Variants in ZNF577 observed in about 807,000 individuals in gnomAD.
The protein encoded by ZNF577 is zinc finger protein 577.
A neutral mutation model predicts 13.9 loss-of-function variants in ZNF577; 14 were observed. That is an observed-to-expected ratio of 1.00 (90% CI 0.66 to 1.57). The LOEUF is 1.57. Ranked by LOEUF, ZNF577 falls within the 40% of genes most tolerant of loss-of-function variation. The pLI, the probability that ZNF577 is intolerant of heterozygous loss-of-function variation, is 0.00. For synonymous variants in ZNF577, 203 were observed against 202.9 expected (o/e 1.00, Z 0.00); for missense variants, 555 against 579.2 (o/e 0.96, Z 0.43).
intron 5 of ZNF577, among the ~76,000 whole-genome samples, chr19:51,857,116 T>A (rs7257527): frequency 0.034 from 5,162 of 152,088 alleles, 272 homozygotes; most frequent in African/African-American, 0.12. Flanking sequence ...CTGGCCAACA[T>A]GGTGAAACCC....
chr19:51,860,851 C>T, intron 5 of ZNF577: 1 of 365,682 alleles, frequency 2.7e-6, no homozygotes, highest in Middle Eastern at 4.0e-4. Flanking sequence ...TATGAGATTT[C>T]TCTCGTAAAC....
intron 9 of ZNF577, among the ~76,000 whole-genome samples, chr19:51,818,846 T>C (rs1406549521): frequency 6.6e-6 from 1 of 152,172 alleles, no homozygotes; most frequent in Admixed American, 6.6e-5. Flanking sequence ...GTGGAAGCCA[T>C]AGAAGAGTGC....
chr19:51,886,127 A>T (rs957463789), intron 1 of ZNF577: 1 of 152,178 alleles, frequency 6.6e-6, no homozygotes, highest in African/African-American at 2.4e-5. Context: ...TTTGGAGAGG[A>T]GAGAGAAGAT....
intron 5 of ZNF577, among the ~76,000 whole-genome samples, chr19:51,855,336 TGAGC>T (rs901903224): frequency 8.1e-6 from 1 of 123,594 alleles, no homozygotes; most frequent in Non-Finnish European, 1.6e-5. Flanking sequence ...TTCATTTCTC[TGAGC>T]AAGTTTTCCA....
At chr19:51,836,372 C>T (rs1241166239) in intron 9 of ZNF577, among the ~76,000 whole-genome samples, 2 of 151,992 alleles carry the variant, frequency 1.3e-5, no homozygotes, top group Non-Finnish European at 2.9e-5. Flanking sequence ...AATAAATGTA[C>T]TTATGTTTTA....
At chr19:51,830,261 G>C (rs1305459376) in intron 9 of ZNF577, among the ~76,000 whole-genome samples, 2 of 151,464 alleles carry the variant, frequency 1.3e-5, no homozygotes, top group East Asian at 1.9e-4. Flanking sequence ...TTGTGTTTTT[G>C]CCATCAGCAT....
intron 5 of ZNF577, among the ~76,000 whole-genome samples, chr19:51,859,166 CTTCA>C (rs1222446540): frequency 6.6e-6 from 1 of 152,184 alleles, no homozygotes; most frequent in African/African-American, 2.4e-5. Flanking sequence ...GTCATCAGTA[CTTCA>C]TTCATTTGTA....
Position 51,873,633 on chromosome 19 carries a change from G to A in ZNF577, c.357C>T (p.Leu119=). 6.2e-7 allele frequency: 1 copy of A among 1,614,118 alleles called. No homozygotes were observed. The highest frequency in any genetic ancestry group is 8.5e-7 in the Non-Finnish European group (1 of 1,180,024). ...DAFGGYGRSC[L]HIKRDKTLTG... is the part of the protein sequence containing the mutation. ...TAAGAGTTTTGTCACGCTTGATATG[G>A]AGGCATGATCTCCCATATCCACCAA... The change falls in exon 6 of 6, where the codon CTC becomes CTT. Residue 119 remains leucine (L), a synonymous_variant. Coordinates refer to ENST00000638348, the MANE Select transcript of ZNF577 (RefSeq NM_001370449.1).
intron 5 of ZNF577, among the ~76,000 whole-genome samples, chr19:51,846,851 T>C (rs2084355714): frequency 6.6e-6 from 1 of 152,190 alleles, no homozygotes; most frequent in South Asian, 2.1e-4. Flanking sequence ...TCCAGAACTA[T>C]AAGAAAACAA....
chr19:51,849,090 C>A (rs1173922728), intron 5 of ZNF577, among the ~76,000 whole-genome samples: 1 of 152,168 alleles, frequency 6.6e-6, no homozygotes, highest in African/African-American at 2.4e-5. Context: ...CATTTTCTGT[C>A]TCTTTTATTA....
intron 3 of ZNF577, 50 bp from the exon 4 acceptor site, chr19:51,878,565 C>T (rs183959545): frequency 1.7e-5 from 28 of 1,604,604 alleles, no homozygotes; most frequent in African/African-American, 1.1e-4. Flanking sequence ...ATAGATGATG[C>T]GGAGAAGAGG....
At chr19:51,883,186 C>T (rs111865831) in intron 1 of ZNF577, among the ~76,000 whole-genome samples, 2,266 of 151,946 alleles carry the variant, frequency 0.015, 69 homozygotes, top group African/African-American at 0.052. Context: ...AAAGACGAGG[C>T]TTCACCATCT....
In ZNF577 at chr19:51,878,388, C is replaced by T; in HGVS notation, c.187+1G>A. ...GTAAGTGACGGCAATGCTGTCCTTACCTATTGATACTAGGTTGATGTAGTT... is the reference window on the plus strand; with the variant it reads ...GTAAGTGACGGCAATGCTGTCCTTATCTATTGATACTAGGTTGATGTAGTT... On this transcript the variant is annotated splice_donor_variant, in intron 4 of 5. Transcript: ENST00000638348. LOFTEE classifies it high-confidence loss of function. The T allele has an allele frequency of 2.5e-6, 4 of 1,613,772 alleles. No individual in the cohort carries two copies. Among genetic ancestry groups the T allele is most frequent in the Non-Finnish European group, 2.5e-6 (3 of 1,179,780 alleles).
At chr19:51,821,679 C>G (rs2084190685) in intron 9 of ZNF577, among the ~76,000 whole-genome samples, 1 of 151,972 alleles carries the variant, frequency 6.6e-6, no homozygotes, top group Non-Finnish European at 1.5e-5. Flanking sequence ...GAACTCCTTT[C>G]AAATGCAGCA....
rs147462535 is a variant in ZNF577 at position 51,813,580 on chromosome 19, G to C, written c.*600-1906C>G. ...GAGTCTCACTCTGTCACCTAGGCTGGAGTGCAGTGGCGTGATCTCGGCTCA... is the reference window on the plus strand; with the variant it reads ...GAGTCTCACTCTGTCACCTAGGCTGCAGTGCAGTGGCGTGATCTCGGCTCA... On this transcript the variant is annotated intron_variant and NMD_transcript_variant, in intron 9 of 10. Coordinates refer to the ZNF577 transcript ENST00000638827. Among the ~76,000 whole-genome samples the C allele has an allele frequency of 5.2e-3, 796 of 152,008 alleles. 5 individuals carry two copies. The highest frequency in any genetic ancestry group is 0.014 in the African/African-American group (574 of 41,442).
rs1054253768 is a variant in ZNF577 at position 51,870,652 on chromosome 19, G to C, written c.*1880C>G. Among the ~76,000 whole-genome samples, 1 of 152,104 alleles carries C rather than the reference G, an allele frequency of 6.6e-6. No homozygotes were observed. Among genetic ancestry groups the C allele is most frequent in the Non-Finnish European group, 1.5e-5 (1 of 68,036 alleles). On this transcript the variant is annotated 3_prime_UTR_variant, in exon 6 of 6. Coordinates refer to ENST00000638348, the MANE Select transcript of ZNF577 (RefSeq NM_001370449.1). ...TACATATGCTGATTATGACTCAAAA[G>C]GCTTGTGGGGGAAACTCTACAGAAC...
rs1184656040 is a variant in ZNF577 at position 51,868,085 on chromosome 19, T to A, written c.*4447A>T. 6.6e-6 allele frequency among the ~76,000 whole-genome samples: 1 copy of A among 152,208 alleles called. No individual in the cohort carries two copies. Among genetic ancestry groups the A allele is most frequent in the Non-Finnish European group, 1.5e-5 (1 of 68,038 alleles). ...GGGAATCAAGACAAAGTGGATGGAATCTGTAAATCTGTGCACCAGCAGTTG... is the reference window on the plus strand; with the variant it reads ...GGGAATCAAGACAAAGTGGATGGAAACTGTAAATCTGTGCACCAGCAGTTG... On this transcript the variant is annotated 3_prime_UTR_variant, in exon 6 of 6. Transcript: ENST00000638348.
At chr19:51,858,925 T>C (rs2084467394) in intron 5 of ZNF577, among the ~76,000 whole-genome samples, 1 of 152,184 alleles carries the variant, frequency 6.6e-6, no homozygotes, top group Non-Finnish European at 1.5e-5. Context: ...GCAACCACCA[T>C]CTCTATCTAG....
chr19:51,866,044 G>GGCTT (rs1418237152), downstream of ZNF577, among the ~76,000 whole-genome samples: 2 of 151,950 alleles, frequency 1.3e-5, no homozygotes, highest in African/African-American at 4.8e-5. Context: ...GAACTCGGGA[G>GGCTT]GCAGAGATTG....
Sources: allele counts gnomAD v4.1 joint callset (sites outside exome capture counted in the v4.1 genomes callset), GRCh38; gene constraint gnomAD v4.1.1; transcripts MANE v1.5; gene names NCBI Gene and HGNC (gene_info 2026-07-23, HGNC 2026-07-21).